DUS2: variants seen among roughly 807,000 people sequenced by gnomAD.
DUS2 encodes the protein tRNA-dihydrouridine(20) synthase [NAD(P)+]-like.
A neutral mutation model predicts 71.3 loss-of-function variants in DUS2; 52 were observed. The ratio of observed to expected loss-of-function variants is 0.73; its 90% confidence interval spans 0.58 to 0.92. DUS2 has a LOEUF of 0.92. Among genes scored for constraint, DUS2 ranks in the 40% least tolerant of loss-of-function variants. DUS2 has a pLI of 0.00. For missense variants in DUS2, 558 were observed against 622.6 expected (o/e 0.90, Z 1.10); for synonymous variants, 204 against 227.8 (o/e 0.90, Z 0.94).
chr16:68,070,288 C>T, intron 11 of DUS2, 68 bp downstream of exon 11: 1 of 1,489,798 alleles, frequency 6.7e-7, no homozygotes. Context: ...TAGCCAGGCC[C>T]AGCCTTCCCT....
At chr16:68,064,832 G>C (rs1325248999) in intron 8 of DUS2, among the ~76,000 whole-genome samples, 3 of 152,162 alleles carry the variant, frequency 2.0e-5, no homozygotes, top group African/African-American at 7.2e-5. Context: ...TTCTGGAATG[G>C]CCTGCTTCAT....
intron 3 of DUS2, 69 bp from the exon 4 acceptor site, chr16:68,049,436 T>C: frequency 6.6e-7 from 1 of 1,524,794 alleles, no homozygotes; most frequent in Non-Finnish European, 9.1e-7. Flanking sequence ...ATTAGGTGTG[T>C]GATGAAAATC....
In DUS2 at chr16:68,071,098, AC is replaced by A. The variant is rs748219100; in HGVS notation, c.801del (p.Tyr267Ter). The A allele has an allele frequency of 6.2e-7, 1 of 1,614,260 alleles. No homozygotes were observed. The highest frequency in any genetic ancestry group is 1.1e-5 in the South Asian group (1 of 91,088). On this transcript the variant is annotated frameshift_variant, in exon 12 of 17. Coordinates refer to ENST00000565263, the MANE Select transcript of DUS2 (RefSeq NM_017803.5). LOFTEE classifies it high-confidence loss of function. Reference sequence around the variant, plus strand: ...CCCCTGGAGGAGGTCATGCAGAAATACATCAGATACGTACGTCTCTGTACTT... The same window carrying A: ...CCCCTGGAGGAGGTCATGCAGAAATAATCAGATACGTACGTCTCTGTACTT... The part of the protein sequence containing the change: ...LRPLEEVMQK[Y>X]IRYAVQYDNH...
rs142936293 is a variant in DUS2, at chr16:68,034,146, G to A, written c.-18-3860G>A. ...AGTGGTATGATATCAGCTCAGCTCG[G>A]CAACCTCTGCCTCCCAGGCTCTAGT... On this transcript the variant is annotated intron_variant, in intron 2 of 16. Coordinates refer to ENST00000565263, the MANE Select transcript of DUS2 (RefSeq NM_017803.5). 3.6e-3 allele frequency among the ~76,000 whole-genome samples: 555 copies of A among 152,114 alleles called. 7 individuals are homozygous for A. The highest frequency in any genetic ancestry group is 0.012 in the African/African-American group (511 of 41,498).
In DUS2 at chr16:68,032,311, A is replaced by G. The variant is rs1038862433; in HGVS notation, c.-18-5695A>G. Among the ~76,000 whole-genome samples, 9 of 152,178 alleles carry G rather than the reference A, an allele frequency of 5.9e-5. 1 individual carries two copies. Among genetic ancestry groups the G allele is most frequent in the African/African-American group, 2.2e-4 (9 of 41,458 alleles). Reference sequence around the variant, plus strand: ...TCACACCTTACTAAGCAGCCTCTAAAGGTCATGTACCTGGCTCAGTGCTAG... The same window carrying G: ...TCACACCTTACTAAGCAGCCTCTAAGGGTCATGTACCTGGCTCAGTGCTAG... On this transcript the variant is annotated intron_variant, in intron 2 of 16. Transcript: ENST00000565263.
intron 7 of DUS2, among the ~76,000 whole-genome samples, chr16:68,057,717 T>G (rs747236105): frequency 6.6e-5 from 10 of 151,882 alleles, no homozygotes; most frequent in African/African-American, 1.7e-4. Context: ...TTGTCTCTAC[T>G]AAAATTACAA....
At chr16:68,056,288 C>G (rs1405339514) in intron 6 of DUS2, 76 bp from the exon 7 acceptor site, 8 of 1,270,862 alleles carry the variant, frequency 6.3e-6, no homozygotes, top group Admixed American at 5.2e-5. Context: ...TGAGCACAGG[C>G]CCATCCATGC....
At position 68,071,061 on chromosome 16, in the gene DUS2, G is replaced by A; in HGVS notation, c.763G>A (p.Glu255Lys). 1 of 1,614,236 alleles carries A rather than the reference G, an allele frequency of 6.2e-7. No individual in the cohort carries two copies. Among genetic ancestry groups the A allele is most frequent in the Non-Finnish European group, 8.5e-7 (1 of 1,180,052 alleles). ...AMWNPSIFLK[E>K]GLRPLEEVMQ... is the part of the protein sequence containing the mutation. Reference sequence around the variant, plus strand: ...GTGGAACCCATCTATCTTCCTCAAGGAGGGTCTGCGGCCCCTGGAGGAGGT... The same window carrying A: ...GTGGAACCCATCTATCTTCCTCAAGAAGGGTCTGCGGCCCCTGGAGGAGGT... Residue 255 changes from glutamate to lysine, a missense_variant, in exon 12 of 17, where the codon GAG (glutamate) becomes AAG (lysine). Transcript: ENST00000565263.
chr16:68,035,884 TTATATATATATATATA>T lies in DUS2; in HGVS notation c.-18-2091_-18-2076del, dbSNP rs71145987. Among the ~76,000 whole-genome samples the T allele has an allele frequency of 2.7e-3, 307 of 113,300 alleles. 2 individuals are homozygous for T. Among genetic ancestry groups the T allele is most frequent in the Middle Eastern group, 9.5e-3 (2 of 210 alleles). 74.3% of individuals were successfully genotyped at this position (113,300 alleles called of 152,430 possible). ...TGTGTACCACCACATCCCGCTAATTTTATATATATATATATATATATATATATATATATATATATAT... is the reference window on the plus strand; with the variant it reads ...TGTGTACCACCACATCCCGCTAATTTTATATATATATATATATATATATAT... On this transcript the variant is annotated intron_variant, in intron 2 of 16. Coordinates refer to ENST00000565263, the MANE Select transcript of DUS2 (RefSeq NM_017803.5).
At chr16:68,045,376 C>T (rs1350792818) in intron 3 of DUS2, among the ~76,000 whole-genome samples, 2 of 151,562 alleles carry the variant, frequency 1.3e-5, no homozygotes, top group Admixed American at 6.6e-5. Flanking sequence ...GAGACCGAGG[C>T]GGGTGGATCA....
intron 11 of DUS2, among the ~76,000 whole-genome samples, chr16:68,070,559 G>T (rs565581262): frequency 6.6e-6 from 1 of 152,058 alleles, no homozygotes; most frequent in Non-Finnish European, 1.5e-5. Context: ...CTCTCGCCAG[G>T]GTTTTGACTT....
At chr16:68,035,887 TATATATA>T (rs2033513539) in intron 2 of DUS2, among the ~76,000 whole-genome samples, 1 of 2,722 alleles carries the variant, frequency 3.7e-4, no homozygotes, top group African/African-American at 3.9e-4. Flanking sequence ...GCTAATTTTA[TATATATA>T]TATATATATA....
chr16:68,064,169 G>A (rs2033975968), intron 8 of DUS2, among the ~76,000 whole-genome samples: 2 of 152,148 alleles, frequency 1.3e-5, no homozygotes, highest in Admixed American at 1.3e-4. Flanking sequence ...TTGGCCAGTG[G>A]GTCTATTGAG....
intron 2 of DUS2, among the ~76,000 whole-genome samples, chr16:68,027,964 C>T (rs931135965): frequency 4.6e-5 from 7 of 152,104 alleles, no homozygotes; most frequent in Non-Finnish European, 7.4e-5. Context: ...GTTCTGAGGG[C>T]AGGAGGCAGG....
At chr16:68,076,913 C>CTT (rs113367225) in intron 15 of DUS2, among the ~76,000 whole-genome samples, 194 bp downstream of exon 15, 8 of 142,122 alleles carry the variant, frequency 5.6e-5, no homozygotes, top group African/African-American at 1.6e-4. Flanking sequence ...AGACATCTCT[C>CTT]TTTTTTTTTT....
At chr16:68,036,185 G>A (rs1037119216) in intron 2 of DUS2, among the ~76,000 whole-genome samples, 19 of 143,846 alleles carry the variant, frequency 1.3e-4, no homozygotes, top group African/African-American at 4.9e-4. Context: ...TTTCGAGACA[G>A]AGTCTTGCTC....
intron 4 of DUS2, among the ~76,000 whole-genome samples, chr16:68,050,667 A>G (rs1360466117): frequency 1.3e-5 from 2 of 152,190 alleles, no homozygotes; most frequent in Non-Finnish European, 2.9e-5. Context: ...AAATGTATCT[A>G]TATCTATATC....
chr16:68,071,373 C>G (rs1032753723), intron 12 of DUS2, among the ~76,000 whole-genome samples: 2 of 152,190 alleles, frequency 1.3e-5, no homozygotes, highest in African/African-American at 2.4e-5. Context: ...CTTCTAGATC[C>G]AGGATGCTGT....
At position 68,066,589 on chromosome 16, in the gene DUS2, G is replaced by C. The variant is rs868256677; in HGVS notation, c.507G>C (p.Val169=). 6.2e-7 allele frequency: 1 copy of C among 1,614,244 alleles called. No individual in the cohort carries two copies. Among genetic ancestry groups the C allele is most frequent in the Middle Eastern group, 1.6e-4 (1 of 6,062 alleles). Residue 169 remains valine, a synonymous_variant, in exon 10 of 17, where the codon GTG becomes GTC. Coordinates refer to ENST00000565263, the MANE Select transcript of DUS2 (RefSeq NM_017803.5). ...LPSLEDTLSL[V]KRIERTGIAA... ...AGCTAGAAGATACCCTGAGCCTTGT[G>C]AAGCGGATAGAGAGGACTGGCATTG...
Sources: allele counts gnomAD v4.1 joint callset (sites outside exome capture counted in the v4.1 genomes callset), GRCh38; gene constraint gnomAD v4.1.1; transcripts MANE v1.5; gene names NCBI Gene and HGNC (gene_info 2026-07-23, HGNC 2026-07-21).